The following PTPRD variants were observed in gnomAD, a reference collection of about 807,000 sequenced individuals.
PTPRD encodes protein tyrosine phosphatase receptor type D, also known as receptor-type tyrosine-protein phosphatase delta.
A neutral mutation model predicts 214.5 loss-of-function variants in PTPRD; 34 were observed. The observed-to-expected ratio is 0.16, with a 90% CI of 0.12 to 0.21. The LOEUF (loss-of-function observed/expected upper bound fraction) is 0.21. PTPRD is among the 10% of genes least tolerant of loss of function. The pLI is 1.00. For missense variants in PTPRD, 2,545 were observed against 2,398.7 expected (o/e 1.06, Z -1.27); for synonymous variants, 1,128 against 845.7 (o/e 1.33, Z -5.79).
chr9:9,313,475 C>G (rs1423158489), intron 9 of PTPRD, among the ~76,000 whole-genome samples: 1 of 152,070 alleles, frequency 6.6e-6, no homozygotes, highest in Non-Finnish European at 1.5e-5. Context: ...CCTCAGAGTT[C>G]ACCCAGCAAA....
At chr9:9,838,316 T>C (rs1270652049) in intron 5 of PTPRD, among the ~76,000 whole-genome samples, 1 of 152,028 alleles carries the variant, frequency 6.6e-6, no homozygotes, top group Non-Finnish European at 1.5e-5. Flanking sequence ...ATGGTATTTC[T>C]AGTTCTAGAT....
At chr9:8,606,873 T>C (rs966141570) in intron 14 of PTPRD, among the ~76,000 whole-genome samples, 1 of 152,040 alleles carries the variant, frequency 6.6e-6, no homozygotes, top group African/African-American at 2.4e-5. Context: ...TCTGTCACAG[T>C]TTTTTTTGTG....
chr9:8,693,179 T>A (rs2154383606), intron 12 of PTPRD, among the ~76,000 whole-genome samples: 1 of 152,312 alleles, frequency 6.6e-6, no homozygotes, highest in South Asian at 2.1e-4. Flanking sequence ...TTCCACTGTC[T>A]CTCAGTCCAC....
At chr9:9,609,264 G>C (rs944475300) in intron 7 of PTPRD, among the ~76,000 whole-genome samples, 22 of 152,038 alleles carry the variant, frequency 1.4e-4, no homozygotes, top group African/African-American at 5.3e-4. Flanking sequence ...AGAATCATCT[G>C]ATTGATCATC....
chr9:9,088,129 G>A (rs915487712), intron 10 of PTPRD, among the ~76,000 whole-genome samples: 4 of 150,810 alleles, frequency 2.7e-5, no homozygotes, highest in Admixed American at 2.6e-4. Context: ...TGATCTGCTC[G>A]CCTCAGCCTT....
intron 35 of PTPRD, among the ~76,000 whole-genome samples, chr9:8,413,442 C>G (rs1391999531): frequency 6.6e-6 from 1 of 152,034 alleles, no homozygotes; most frequent in African/African-American, 2.4e-5. Flanking sequence ...CAGTCTTTGT[C>G]GGAACTCAGA....
chr9:8,451,781 C>A, intron 33 of PTPRD: 1 of 407,654 alleles, frequency 2.5e-6, no homozygotes, highest in Non-Finnish European at 4.9e-6. Flanking sequence ...TGTGTCAGGC[C>A]CAACGACTAA....
At chr9:9,817,969 T>C (rs1217198113) in intron 5 of PTPRD, among the ~76,000 whole-genome samples, 1 of 152,124 alleles carries the variant, frequency 6.6e-6, no homozygotes, top group Non-Finnish European at 1.5e-5. Flanking sequence ...AAAATGTTGA[T>C]CTCCTGAGGG....
At chr9:10,353,029 A>T (rs756743321) in intron 2 of PTPRD, among the ~76,000 whole-genome samples, 1 of 152,026 alleles carries the variant, frequency 6.6e-6, no homozygotes, top group African/African-American at 2.4e-5. Flanking sequence ...GGCAAGGTAT[A>T]TATGGTAATT....
chr9:9,273,953 T>A (rs1943966380), intron 9 of PTPRD, among the ~76,000 whole-genome samples: 1 of 151,356 alleles, frequency 6.6e-6, no homozygotes, highest in Non-Finnish European at 1.5e-5. Context: ...AAGATCCTCT[T>A]TGATCTGTAA....
At chr9:9,666,692 C>G (rs1416832875) in intron 7 of PTPRD, among the ~76,000 whole-genome samples, 1 of 151,978 alleles carries the variant, frequency 6.6e-6, no homozygotes, top group African/African-American at 2.4e-5. Flanking sequence ...TTTCAACTGT[C>G]TTGTGGCAGT....
chr9:9,540,595 G>C (rs1483156053), intron 8 of PTPRD, among the ~76,000 whole-genome samples: 1 of 151,796 alleles, frequency 6.6e-6, no homozygotes, highest in Non-Finnish European at 1.5e-5. Context: ...CACATATAAA[G>C]TGGGACTTGA....
intron 3 of PTPRD, among the ~76,000 whole-genome samples, chr9:10,226,761 T>C (rs1239632262): frequency 6.6e-6 from 1 of 152,004 alleles, no homozygotes; most frequent in Non-Finnish European, 1.5e-5. Context: ...TCTGTGTGTA[T>C]GTGTTGTAGG....
At chr9:9,085,229 C>T (rs1344655129) in intron 10 of PTPRD, among the ~76,000 whole-genome samples, 1 of 152,100 alleles carries the variant, frequency 6.6e-6, no homozygotes, top group Admixed American at 6.6e-5. Context: ...GAAAGATAGA[C>T]ACAAGAACAT....
chr9:9,090,769 T>A, intron 10 of PTPRD: 1 of 641,322 alleles, frequency 1.6e-6, no homozygotes, highest in Non-Finnish European at 2.8e-6. Flanking sequence ...TCAAGTTGCA[T>A]CCTCTTTAGC....
chr9:8,471,725 A>T (rs1351210676), intron 30 of PTPRD, among the ~76,000 whole-genome samples: 1 of 152,166 alleles, frequency 6.6e-6, no homozygotes, highest in African/African-American at 2.4e-5. Context: ...CTATCACTAT[A>T]ATGACATCTA....
intron 6 of PTPRD, among the ~76,000 whole-genome samples, chr9:9,764,150 A>G (rs1238767129): frequency 1.3e-5 from 2 of 152,210 alleles, no homozygotes; most frequent in African/African-American, 2.4e-5. Flanking sequence ...TTGTACCCTT[A>G]GCACCTAATG....
chr9:9,238,073 G>T (rs567738023), intron 9 of PTPRD, among the ~76,000 whole-genome samples: 2 of 152,024 alleles, frequency 1.3e-5, no homozygotes, highest in African/African-American at 4.8e-5. Context: ...AAGCATCAGC[G>T]TTCTGGCAGC....
At position 8,598,882 on chromosome 9, in the gene PTPRD, A is replaced by G. The variant is rs10977226; in HGVS notation, c.352+34435T>C. 1.2e-4 allele frequency among the ~76,000 whole-genome samples: 18 copies of G among 152,328 alleles called. No homozygotes were observed. In the East Asian group the frequency reaches 3.5e-3, roughly 29 times the overall value. On this transcript the variant is annotated intron_variant, in intron 14 of 45. Transcript: ENST00000381196. ...ACATTTCAAGACGTAGAAGCAAAAT[A>G]GCAAAAGATACAGAGTGTATAGAGT...
Sources: gnomAD v4.1 joint callset for allele counts (sites outside exome capture counted in the v4.1 genomes callset) on GRCh38, gnomAD v4.1.1 for gene constraint, MANE v1.5 for transcripts, NCBI Gene and HGNC (gene_info 2026-07-23, HGNC 2026-07-21) for gene names.